Variants in RSRC1 observed in about 807,000 individuals in gnomAD.
RSRC1 encodes serine/Arginine-related protein 53.
Under a neutral mutation model 49.1 loss-of-function variants are expected in RSRC1, and 39 were observed. The observed-to-expected ratio is 0.79, with a 90% confidence interval of 0.61 to 1.04. RSRC1 has a LOEUF of 1.04. RSRC1 is among the 50% of genes least tolerant of loss of function. RSRC1 has a pLI of 0.00. For synonymous variants in RSRC1, 143 were observed against 130.8 expected, an observed-to-expected ratio of 1.09 and a Z score of -0.63; for missense variants, 388 against 402.4, an observed-to-expected ratio of 0.96 and a Z score of 0.31.
At chr3:158,173,271 T>G (rs1718989641) in intron 3 of RSRC1, among the ~76,000 whole-genome samples, 1 of 152,000 alleles carries the variant, frequency 6.6e-6, no homozygotes, top group Non-Finnish European at 1.5e-5. Context: ...GGCAGACCAT[T>G]TGCTCATAAC....
chr3:158,487,478 CTT>C (rs1212475835), intron 7 of RSRC1, among the ~76,000 whole-genome samples: 1 of 152,110 alleles, frequency 6.6e-6, no homozygotes, highest in African/African-American at 2.4e-5. Flanking sequence ...AGCTGTGACT[CTT>C]GATGTTATTG....
chr3:158,114,058 G>C (rs1266446896), intron 1 of RSRC1, among the ~76,000 whole-genome samples: 2 of 152,136 alleles, frequency 1.3e-5, no homozygotes, highest in African/African-American at 4.8e-5. Context: ...TTTTTGCCAT[G>C]AAATCTTTGC....
At chr3:158,314,082 ATTGTTG>A (rs543945598) in intron 5 of RSRC1, among the ~76,000 whole-genome samples, 6 of 151,914 alleles carry the variant, frequency 3.9e-5, no homozygotes, top group Middle Eastern at 3.4e-3. Context: ...ATTATTGAAA[ATTGTTG>A]TTGTTGTTGT....
chr3:158,162,444 G>T (rs1007894939), intron 3 of RSRC1, among the ~76,000 whole-genome samples: 18 of 152,058 alleles, frequency 1.2e-4, no homozygotes, highest in Admixed American at 5.9e-4. Flanking sequence ...TAATGATAAA[G>T]AATTAATATA....
At chr3:158,378,551 C>T (rs1732510505) in intron 6 of RSRC1, among the ~76,000 whole-genome samples, 2 of 152,180 alleles carry the variant, frequency 1.3e-5, no homozygotes, top group South Asian at 4.1e-4. Context: ...CTTACTTTCA[C>T]CTATAGTGGG....
At chr3:158,115,914 G>A (rs1167541594) in intron 1 of RSRC1, among the ~76,000 whole-genome samples, 4 of 152,138 alleles carry the variant, frequency 2.6e-5, no homozygotes, top group Non-Finnish European at 4.4e-5. Context: ...GAAACCATAT[G>A]GATAACCTTT....
rs1329473379 is a variant in RSRC1, at chr3:158,541,721, AT to A, written c.760-1613del. ...AACAAATGGGTATAAAAAAGGCTAC[AT>A]AACAATCTCCTATTCATCTTGTTTT... On this transcript the variant is annotated intron_variant, in intron 8 of 9. Coordinates refer to ENST00000611884, the MANE Select transcript of RSRC1 (RefSeq NM_001271838.2). Among the ~76,000 whole-genome samples the A allele has an allele frequency of 2.6e-5, 4 of 152,216 alleles. No homozygotes were observed. In the South Asian group the frequency reaches 8.3e-4, roughly 32 times the overall value.
intron 7 of RSRC1, among the ~76,000 whole-genome samples, chr3:158,487,359 T>C (rs1738853905): frequency 6.6e-6 from 1 of 152,216 alleles, no homozygotes; most frequent in Non-Finnish European, 1.5e-5. Flanking sequence ...CAAACTATAC[T>C]TCTTTGATAC....
chr3:158,249,497 T>C (rs529833570), intron 4 of RSRC1, among the ~76,000 whole-genome samples: 1 of 152,316 alleles, frequency 6.6e-6, no homozygotes, highest in African/African-American at 2.4e-5. Context: ...TATGAAACAA[T>C]TTGACTTTTC....
At chr3:158,160,802 G>T (rs966408612) in intron 3 of RSRC1, among the ~76,000 whole-genome samples, 1 of 152,106 alleles carries the variant, frequency 6.6e-6, no homozygotes, top group African/African-American at 2.4e-5. Context: ...TCTACTCTAT[G>T]CTAGGAATTG....
intron 7 of RSRC1, among the ~76,000 whole-genome samples, chr3:158,529,214 G>GTGTGTATATA (rs374368016): frequency 0.092 from 13,188 of 142,874 alleles, 720 homozygotes; most frequent in African/African-American, 0.15. Context: ...ATGTGTGTGT[G>GTGTGTATATA]TATATATATA....
chr3:158,260,481 G>A (rs1460513706), intron 4 of RSRC1, among the ~76,000 whole-genome samples: 1 of 152,062 alleles, frequency 6.6e-6, no homozygotes, highest in African/African-American at 2.4e-5. Context: ...TCCTCAAGCA[G>A]AAAGAAGGAA....
chr3:158,375,158 AGTTATTATTATTATT>A (rs1310262072), intron 6 of RSRC1, among the ~76,000 whole-genome samples: 13 of 133,738 alleles, frequency 9.7e-5, no homozygotes, highest in African/African-American at 3.8e-4. Flanking sequence ...GGACTTAGCA[AGTTATTATTATTATT>A]ATTATTATTA....
chr3:158,409,788 G>A (rs1734350028), intron 6 of RSRC1, among the ~76,000 whole-genome samples: 2 of 152,112 alleles, frequency 1.3e-5, no homozygotes, highest in Non-Finnish European at 2.9e-5. Context: ...ATGAGATGAT[G>A]AAAGCAAAAA....
At chr3:158,119,121 G>T (rs1715071503) in intron 1 of RSRC1, among the ~76,000 whole-genome samples, 1 of 152,092 alleles carries the variant, frequency 6.6e-6, no homozygotes, top group Non-Finnish European at 1.5e-5. Context: ...CACCTGGCTG[G>T]GTAGAATGGA....
At chr3:158,219,909 G>A (rs1722138539) in intron 4 of RSRC1, among the ~76,000 whole-genome samples, 1 of 151,596 alleles carries the variant, frequency 6.6e-6, no homozygotes, top group Non-Finnish European at 1.5e-5. Flanking sequence ...GGAAGAGAAT[G>A]AAAATCAATG....
At chr3:158,233,626 G>A (rs992684852) in intron 4 of RSRC1, among the ~76,000 whole-genome samples, 5 of 152,100 alleles carry the variant, frequency 3.3e-5, no homozygotes, top group African/African-American at 1.2e-4. Context: ...AATGCTATGT[G>A]TTTTAGAGAA....
chr3:158,444,661 A>G (rs1736588095), intron 6 of RSRC1, among the ~76,000 whole-genome samples: 1 of 152,198 alleles, frequency 6.6e-6, no homozygotes, highest in African/African-American at 2.4e-5. Context: ...GACAAATGGG[A>G]TCTAATTAAA....
intron 7 of RSRC1, among the ~76,000 whole-genome samples, chr3:158,490,429 T>C (rs187203513): frequency 5.8e-4 from 89 of 152,302 alleles, no homozygotes; most frequent in African/African-American, 1.9e-3. Flanking sequence ...TTATTCTTAG[T>C]GCAATTCTTT....
Sources: gnomAD v4.1 joint callset for allele counts (sites outside exome capture counted in the v4.1 genomes callset) on GRCh38, gnomAD v4.1.1 for gene constraint, MANE v1.5 for transcripts, NCBI Gene and HGNC (gene_info 2026-07-23, HGNC 2026-07-21) for gene names.